The following FER variants were observed in gnomAD, a reference collection of about 807,000 sequenced individuals.
The protein encoded by FER is FER tyrosine kinase, also known as tyrosine-protein kinase Fer.
A neutral mutation model predicts 111.0 loss-of-function variants in FER; 63 were observed. The ratio of observed to expected loss-of-function variants is 0.57; its 90% CI spans 0.46 to 0.70. The LOEUF (loss-of-function observed/expected upper bound fraction) is 0.70. Ranked by LOEUF, FER falls within the 30% of genes least tolerant of loss-of-function variation. The pLI is 0.00. For missense variants in FER, 914 were observed against 954.0 expected (o/e 0.96, Z 0.55); for synonymous variants, 327 against 313.9 (o/e 1.04, Z -0.44).
intron 13 of FER, among the ~76,000 whole-genome samples, chr5:108,979,074 T>G (rs1360865176): frequency 6.6e-6 from 1 of 152,200 alleles, no homozygotes; most frequent in East Asian, 1.9e-4. Context: ...AAACTATTTT[T>G]TTAGATATTT....
At chr5:108,798,058 T>G in intron 2 of FER, 66 bp from the exon 3 acceptor site, 2 of 295,862 alleles carry the variant, frequency 6.8e-6, no homozygotes, top group Admixed American at 1.4e-4. Flanking sequence ...CTATCATAAC[T>G]TTTTTTTTTT....
intron 2 of FER, among the ~76,000 whole-genome samples, chr5:108,791,696 A>T (rs755280411): frequency 2.0e-5 from 3 of 151,990 alleles, no homozygotes; most frequent in Non-Finnish European, 4.4e-5. Flanking sequence ...ATGAAATCCA[A>T]CTAATGTGTT....
intron 10 of FER, among the ~76,000 whole-genome samples, chr5:108,939,608 C>T (rs575821021): frequency 1.3e-5 from 2 of 152,116 alleles, no homozygotes; most frequent in East Asian, 1.9e-4. Context: ...ATGGGACAAG[C>T]ACTTAGAATC....
rs749312811 is a variant in FER at position 109,186,275 on chromosome 5, C to T, written c.2279C>T (p.Pro760Leu). The change falls in exon 19 of 20, where the codon CCG becomes CTG. Residue 760 changes from proline to leucine, a missense_variant. Pro to Leu is a moderately conservative substitution (Grantham distance 98). Coordinates refer to ENST00000281092, the MANE Select transcript of FER (RefSeq NM_005246.4). Reference sequence around the variant, plus strand: ...GAGACCTTCAGCTTAGGGGTTTGTCCGTACCCTGGAATGACAAATCAGCAA... The same window carrying T: ...GAGACCTTCAGCTTAGGGGTTTGTCTGTACCCTGGAATGACAAATCAGCAA... ...LWETFSLGVC[P>L]YPGMTNQQAR... 7.4e-6 allele frequency: 12 copies of T among 1,613,934 alleles called. No individual in the cohort carries two copies. The highest frequency in any genetic ancestry group is 2.2e-5 in the South Asian group (2 of 91,070).
intron 10 of FER, among the ~76,000 whole-genome samples, chr5:108,944,430 G>GGTACATTACTCA (rs1756702798): frequency 6.6e-6 from 1 of 151,974 alleles, no homozygotes; most frequent in African/African-American, 2.4e-5. Context: ...AATGTATCTT[G>GGTACATTACTCA]CCATTACTTG....
intron 3 of FER, among the ~76,000 whole-genome samples, chr5:108,806,190 T>C (rs1242745317): frequency 1.3e-5 from 2 of 152,302 alleles, no homozygotes; most frequent in East Asian, 1.9e-4. Context: ...CTCCAAGCCT[T>C]GGCAGCTTCC....
In FER at chr5:109,135,496, G is replaced by A. The variant is rs1752789629; in HGVS notation, c.2048+34977G>A. Among the ~76,000 whole-genome samples, 4 of 152,264 alleles carry A rather than the reference G, an allele frequency of 2.6e-5. No homozygotes were observed. In the South Asian group the frequency reaches 8.3e-4, roughly 32 times the overall value. On this transcript the variant is annotated intron_variant, in intron 17 of 19. Transcript: ENST00000281092. ...AACTGACATTTTTGCAAGTCGCAAT[G>A]GTTACATATTGGTAATTTCAAATGG...
At chr5:108,856,282 T>G (rs1462408543) in intron 5 of FER, among the ~76,000 whole-genome samples, 1 of 152,170 alleles carries the variant, frequency 6.6e-6, no homozygotes, top group Non-Finnish European at 1.5e-5. Context: ...CTAATATGGT[T>G]CAGATTTCAA....
At chr5:109,152,453 C>G (rs944872135) in intron 17 of FER, among the ~76,000 whole-genome samples, 1 of 151,756 alleles carries the variant, frequency 6.6e-6, no homozygotes, top group Non-Finnish European at 1.5e-5. Flanking sequence ...ATTGCCAAGA[C>G]CATAAACCCA....
chr5:108,865,835 A>G (rs1763992721), intron 5 of FER, among the ~76,000 whole-genome samples: 1 of 152,270 alleles, frequency 6.6e-6, no homozygotes, highest in Non-Finnish European at 1.5e-5. Context: ...ACATGAAAAA[A>G]TGCTCACCAT....
chr5:108,982,328 G>A (rs1415056766), intron 13 of FER, among the ~76,000 whole-genome samples: 1 of 152,106 alleles, frequency 6.6e-6, no homozygotes, highest in African/African-American at 2.4e-5. Context: ...TATAGTAGGA[G>A]TTTGTAGTAA....
At chr5:108,937,775 T>C (rs80203994) in intron 10 of FER, among the ~76,000 whole-genome samples, 8,322 of 151,874 alleles carry the variant, frequency 0.055, 314 homozygotes, top group Non-Finnish European at 0.082. Context: ...GTCTGTTGGT[T>C]TCCTAAGACC....
At chr5:109,139,383 C>G (rs1753280189) in intron 17 of FER, among the ~76,000 whole-genome samples, 1 of 122,978 alleles carries the variant, frequency 8.1e-6, no homozygotes, top group Admixed American at 9.8e-5. Flanking sequence ...CAGAGTCTCG[C>G]TCTGTTGCCC....
intron 1 of FER, among the ~76,000 whole-genome samples, chr5:108,765,250 T>C (rs1752190722): frequency 6.6e-6 from 1 of 152,196 alleles, no homozygotes; most frequent in Non-Finnish European, 1.5e-5. Context: ...AGTTTGAATT[T>C]TAAAAAGTTC....
At chr5:109,014,342 C>T (rs1766729621) in intron 13 of FER, among the ~76,000 whole-genome samples, 2 of 152,164 alleles carry the variant, frequency 1.3e-5, no homozygotes, top group Non-Finnish European at 2.9e-5. Context: ...AATAGGGAAT[C>T]CTTTCCCCAT....
intron 5 of FER, among the ~76,000 whole-genome samples, chr5:108,845,039 T>TACAC (rs1561503222): frequency 7.7e-5 from 4 of 52,126 alleles, no homozygotes; most frequent in Middle Eastern, 0.026. Flanking sequence ...TATATATATA[T>TACAC]ACATATATAT....
At chr5:108,850,502 C>T (rs1258723637) in intron 5 of FER, among the ~76,000 whole-genome samples, 1 of 151,778 alleles carries the variant, frequency 6.6e-6, no homozygotes, top group Non-Finnish European at 1.5e-5. Flanking sequence ...TGTCGTTGTG[C>T]TTGATTTGTC....
chr5:109,021,787 T>G (rs546095091), intron 13 of FER, among the ~76,000 whole-genome samples: 7 of 152,216 alleles, frequency 4.6e-5, no homozygotes, highest in African/African-American at 1.7e-4. Flanking sequence ...AACATGACGT[T>G]GTGAAATGTG....
chr5:108,902,504 G>T (rs1185218611), intron 10 of FER, among the ~76,000 whole-genome samples: 1 of 152,136 alleles, frequency 6.6e-6, no homozygotes, highest in East Asian at 1.9e-4. Flanking sequence ...ATTGACTGCA[G>T]GAACTTTCTA....
Sources: allele counts gnomAD v4.1 joint callset (sites outside exome capture counted in the v4.1 genomes callset), GRCh38; gene constraint gnomAD v4.1.1; transcripts MANE v1.5; gene names NCBI Gene and HGNC (gene_info 2026-07-23, HGNC 2026-07-21).